Variants in ATP2B2 observed in about 807,000 individuals in gnomAD.
ATP2B2 encodes the protein ATPase plasma membrane Ca2+ transporting 2.
Under a neutral mutation model 120.0 loss-of-function variants are expected in ATP2B2, and 15 were observed. That is an observed-to-expected ratio of 0.12 (90% CI 0.08 to 0.19). The LOEUF (loss-of-function observed/expected upper bound fraction) is 0.19. ATP2B2 is among the 10% of genes least tolerant of loss of function. The probability of loss-of-function intolerance (pLI) is 1.00; values close to 1 mark genes in which losing one functional copy is unlikely to be tolerated. For missense variants in ATP2B2, 1,045 were observed against 1,719.8 expected (o/e 0.61, Z 6.94); for synonymous variants, 694 against 700.3 (o/e 0.99, Z 0.14).
intron 2 of ATP2B2, among the ~76,000 whole-genome samples, chr3:10,547,497 C>T (rs2067575493): frequency 6.6e-6 from 1 of 152,196 alleles, no homozygotes; most frequent in Non-Finnish European, 1.5e-5. Flanking sequence ...ACAGCAACAA[C>T]AGTAACGACA....
chr3:10,495,183 A>T (rs57302736), intron 1 of ATP2B2, among the ~76,000 whole-genome samples: 4,416 of 152,298 alleles, frequency 0.029, 103 homozygotes, highest in Middle Eastern at 0.075. Context: ...GCATTGGGAC[A>T]TGGGCCAGGT....
At chr3:10,345,961 C>G in intron 17 of ATP2B2, 70 bp downstream of exon 17, 1 of 1,462,144 alleles carries the variant, frequency 6.8e-7, no homozygotes, top group Admixed American at 2.0e-5. Flanking sequence ...TCCTGAGTAG[C>G]CAGCCCAAGG....
At chr3:10,520,450 A>G (rs940688370) in intron 3 of ATP2B2, among the ~76,000 whole-genome samples, 2 of 152,220 alleles carry the variant, frequency 1.3e-5, no homozygotes, top group Non-Finnish European at 2.9e-5. Context: ...GGGTGGACTT[A>G]GAGATTATAA....
intron 1 of ATP2B2, among the ~76,000 whole-genome samples, chr3:10,686,046 T>C (rs970734661): frequency 2.2e-5 from 3 of 138,394 alleles, no homozygotes; most frequent in Admixed American, 7.1e-5. Context: ...CTCCTTTCTT[T>C]TTTTTTTTTT....
Position 10,410,830 on chromosome 3 carries a change from C to G in ATP2B2, c.200-15G>C, listed in dbSNP as rs1308783649. On this transcript the variant is annotated splice_polypyrimidine_tract_variant and intron_variant, in intron 2 of 22. Coordinates refer to ENST00000360273, the MANE Select transcript of ATP2B2 (RefSeq NM_001001331.4). ...GCCCGGCAAACCTGTGGACAGAGAA[C>G]AGAGAGGTTGGCTGGGGGCCTGGGA... 3.1e-6 allele frequency: 5 copies of G among 1,612,518 alleles called. No individual in the cohort carries two copies. In the South Asian group the frequency reaches 4.4e-5, roughly 14 times the overall value.
intron 12 of ATP2B2, among the ~76,000 whole-genome samples, chr3:10,371,014 C>A (rs1339500642): frequency 1.3e-5 from 2 of 152,192 alleles, no homozygotes; most frequent in Admixed American, 6.5e-5. Flanking sequence ...CTATTAGCAA[C>A]AACAACATCA....
chr3:10,492,951 T>C (rs2065991366), intron 1 of ATP2B2, among the ~76,000 whole-genome samples: 1 of 152,134 alleles, frequency 6.6e-6, no homozygotes, highest in Admixed American at 6.5e-5. Context: ...ACTACCTCCC[T>C]CGAGAGAAGG....
intron 3 of ATP2B2, among the ~76,000 whole-genome samples, chr3:10,521,654 T>C (rs780202739): frequency 5.9e-5 from 9 of 152,262 alleles, no homozygotes; most frequent in Non-Finnish European, 8.8e-5. Context: ...TTTAGAGATA[T>C]ATACACCCAA....
At chr3:10,561,673 C>T (rs1266380402) in intron 2 of ATP2B2, among the ~76,000 whole-genome samples, 10 of 152,106 alleles carry the variant, frequency 6.6e-5, no homozygotes, top group East Asian at 1.9e-4. Flanking sequence ...ACTGTTCTCA[C>T]GGTAGTGAAT....
At chr3:10,509,105 C>T (rs2066708060), upstream of ATP2B2, among the ~76,000 whole-genome samples, 3 of 152,152 alleles carry the variant, frequency 2.0e-5, no homozygotes, top group South Asian at 6.2e-4. Context: ...GAACTTGGCC[C>T]AGGCTGCTGG....
intron 12 of ATP2B2, among the ~76,000 whole-genome samples, chr3:10,365,140 G>A (rs1304062831): frequency 1.3e-5 from 2 of 152,240 alleles, no homozygotes; most frequent in East Asian, 3.9e-4. Context: ...GCCGAAGCAG[G>A]GGGTCTGGGC....
intron 7 of ATP2B2, among the ~76,000 whole-genome samples, chr3:10,385,866 C>A (rs1035036273): frequency 6.6e-6 from 1 of 152,230 alleles, no homozygotes. Context: ...CCATTGCCTC[C>A]TTCCTTAACT....
intron 21 of ATP2B2, among the ~76,000 whole-genome samples, chr3:10,339,470 G>A (rs1015355922): frequency 2.6e-5 from 4 of 152,184 alleles, no homozygotes; most frequent in Non-Finnish European, 4.4e-5. Flanking sequence ...TTGGTTCTGG[G>A]CCCTCCTCCC....
At chr3:10,360,403 A>G (rs1226611883) in intron 12 of ATP2B2, among the ~76,000 whole-genome samples, 1 of 152,236 alleles carries the variant, frequency 6.6e-6, no homozygotes, top group Non-Finnish European at 1.5e-5. Context: ...TTACGTGCCT[A>G]TCATCCAGCT....
intron 8 of ATP2B2, among the ~76,000 whole-genome samples, chr3:10,384,329 T>A (rs1167833959): frequency 6.6e-6 from 1 of 152,128 alleles, no homozygotes; most frequent in Non-Finnish European, 1.5e-5. Flanking sequence ...GGAAAAAGAT[T>A]TTCCCCTGCC....
At chr3:10,515,453 T>C (rs2066859008) in intron 3 of ATP2B2, among the ~76,000 whole-genome samples, 1 of 152,200 alleles carries the variant, frequency 6.6e-6, no homozygotes, top group East Asian at 1.9e-4. Context: ...CCTGCTCTGC[T>C]CTCTCCCCAT....
At chr3:10,428,350 T>A (rs1047685219) in intron 2 of ATP2B2, among the ~76,000 whole-genome samples, 48 of 152,346 alleles carry the variant, frequency 3.2e-4, no homozygotes, top group African/African-American at 1.2e-3. Context: ...AGGCACTTTT[T>A]TTCTATTTTT....
chr3:10,423,731 C>A (rs1287868787), intron 2 of ATP2B2, among the ~76,000 whole-genome samples: 1 of 152,206 alleles, frequency 6.6e-6, no homozygotes, highest in Admixed American at 6.5e-5. Context: ...CCCAGGACGC[C>A]TTTCAGAGGC....
rs1559513267 is a variant in ATP2B2 at position 10,328,121 on chromosome 3, T to TA, written c.*692_*693insT. 3 of 145,968 alleles carry TA rather than the reference T, an allele frequency of 2.1e-5. No homozygotes were observed. The highest frequency in any genetic ancestry group is 2.1e-4 in the South Asian group (1 of 4,696). 9.0% of individuals were successfully genotyped at this position (145,968 alleles called of 1,614,324 possible). On this transcript the variant is annotated 3_prime_UTR_variant, in exon 23 of 23. Coordinates refer to ENST00000360273, the MANE Select transcript of ATP2B2 (RefSeq NM_001001331.4). Reference sequence around the variant, plus strand: ...ACTTTATATATCCATGTATATATATTTATATATATATATATATATCTACCT... The same window carrying TA: ...ACTTTATATATCCATGTATATATATTATATATATATATATATATATCTACCT...
Sources: allele counts gnomAD v4.1 joint callset (sites outside exome capture counted in the v4.1 genomes callset), GRCh38; gene constraint gnomAD v4.1.1; transcripts MANE v1.5; gene names NCBI Gene and HGNC (gene_info 2026-07-23, HGNC 2026-07-21).